SDF2: variants seen among roughly 807,000 people sequenced by gnomAD.
The protein encoded by SDF2 is stromal cell-derived factor 2.
In SDF2, 12 loss-of-function variants were observed where a neutral mutation model predicts 20.5. The ratio of observed to expected loss-of-function variants is 0.58; its 90% CI spans 0.37 to 0.95. The LOEUF is 0.95. Ranked by LOEUF, SDF2 falls within the 40% of genes least tolerant of loss-of-function variation. The probability of loss-of-function intolerance (pLI) is 0.01; values close to 1 mark genes in which losing one functional copy is unlikely to be tolerated. For missense variants in SDF2, 238 were observed against 263.1 expected, an observed-to-expected ratio of 0.90 and a Z score of 0.66; for synonymous variants, 100 against 101.0, an observed-to-expected ratio of 0.99 and a Z score of 0.06.
At chr17:28,655,025 G>C (rs967434766) in intron 2 of SDF2, among the ~76,000 whole-genome samples, 2 of 152,136 alleles carry the variant, frequency 1.3e-5, no homozygotes, top group African/African-American at 4.8e-5. Context: ...AGCTACTTGG[G>C]AGACTGAGGC....
chr17:28,655,272 C>T lies in SDF2; in HGVS notation c.348+15G>A, dbSNP rs979873048. 5 of 1,613,180 alleles carry T rather than the reference C, an allele frequency of 3.1e-6. No individual in the cohort carries two copies. Among genetic ancestry groups the T allele is most frequent in the Admixed American group, 1.7e-5 (1 of 60,022 alleles). ...GTAATGCAGAGCAGCAACAATCCAT[C>T]GAAAGCCACCTCACCTGGTTTCCAG... On this transcript the variant is annotated intron_variant, in intron 2 of 2. Coordinates refer to ENST00000247020, the MANE Select transcript of SDF2 (RefSeq NM_006923.4).
At position 28,661,732 on chromosome 17, in the gene SDF2, C is replaced by T. The variant is rs773524374; in HGVS notation, c.145G>A (p.Gly49Arg). Residue 49 changes from glycine to arginine, a missense_variant, in exon 1 of 3, where the codon GGG (glycine) becomes AGG (arginine). By Grantham distance (125) the Gly-to-Arg change is moderately radical (BLOSUM62 -2). Transcript: ENST00000247020. ...VRLHSHDVRYGSGSGQQSVTG... is the reference protein window; with the variant it reads ...VRLHSHDVRYRSGSGQQSVTG... ...GCCCGGTCCCCAGCATTACCTGACC[C>T]ATAGCGCACGTCGTGTGAGTGCAGT... 70 of 1,613,356 alleles carry T rather than the reference C, an allele frequency of 4.3e-5. No individual in the cohort carries two copies. Among genetic ancestry groups the T allele is most frequent in the Non-Finnish European group, 5.5e-5 (65 of 1,179,500 alleles).
rs778216885 is a variant in SDF2, at chr17:28,649,248, T to G, written c.377A>C (p.Glu126Ala). 25 of 1,614,034 alleles carry G rather than the reference T, an allele frequency of 1.5e-5. No individual in the cohort carries two copies. The highest frequency in any genetic ancestry group is 2.1e-5 in the Non-Finnish European group (25 of 1,179,990). Residue 126 changes from glutamate to alanine, a missense_variant, in exon 3 of 3, where the codon GAA (glutamate) becomes GCA (alanine). By Grantham distance (107) the Glu-to-Ala change is moderately radical. Transcript: ENST00000247020. ...QEVSAFGEEG[E>A]GDYLDDWTVL... ...TGTCCAGTCATCCAGATAATCACCTTCACCTTCCTCACCAAAAGCACTCAC... is the reference window on the plus strand; with the variant it reads ...TGTCCAGTCATCCAGATAATCACCTGCACCTTCCTCACCAAAAGCACTCAC...
chr17:28,650,167 G>T (rs1243291882), intron 2 of SDF2, among the ~76,000 whole-genome samples: 1 of 151,568 alleles, frequency 6.6e-6, no homozygotes, highest in Non-Finnish European at 1.5e-5. Flanking sequence ...GGTCAGGCTG[G>T]TTTCGAATTC....
intron 1 of SDF2, among the ~76,000 whole-genome samples, chr17:28,658,414 G>C (rs1455917471): frequency 6.6e-6 from 1 of 152,160 alleles, no homozygotes; most frequent in Non-Finnish European, 1.5e-5. Flanking sequence ...GCCTTCCGCA[G>C]TGTTTGTGTC....
chr17:28,657,449 G>T (rs756367450), intron 1 of SDF2, among the ~76,000 whole-genome samples: 7 of 151,652 alleles, frequency 4.6e-5, no homozygotes, highest in Non-Finnish European at 4.4e-5. Flanking sequence ...TCAGGCTGGA[G>T]TGCAGTGGCA....
In SDF2 at chr17:28,648,876, T is replaced by C; in HGVS notation, c.*113A>G. The C allele has an allele frequency of 9.4e-7, 1 of 1,061,926 alleles. No individual in the cohort carries two copies. The highest frequency in any genetic ancestry group is 2.4e-5 in the East Asian group (1 of 42,144). The allele number at this position is 1,061,926 out of a possible 1,614,324, so 65.8% of individuals were successfully genotyped here. On this transcript the variant is annotated 3_prime_UTR_variant, in exon 3 of 3. Coordinates refer to ENST00000247020, the MANE Select transcript of SDF2 (RefSeq NM_006923.4). ...CACTATTTTCTGTTGTATATCTTCA[T>C]CTCAATGGTGACATGGCCACTGCCC...
At chr17:28,659,784 A>G (rs2072005945) in intron 1 of SDF2, among the ~76,000 whole-genome samples, 1 of 144,570 alleles carries the variant, frequency 6.9e-6, no homozygotes, top group Admixed American at 6.9e-5. Flanking sequence ...GGCGCTCCTC[A>G]CATCCCAGAC....
intron 1 of SDF2, among the ~76,000 whole-genome samples, chr17:28,658,977 G>GGGGC (rs2071993834): frequency 7.2e-6 from 1 of 138,882 alleles, no homozygotes. Flanking sequence ...CATCCCAGAC[G>GGGGC]ATGGGAGGCC....
intron 1 of SDF2, among the ~76,000 whole-genome samples, chr17:28,659,169 GGGT>G (rs1296850355): frequency 5.8e-5 from 8 of 137,770 alleles, no homozygotes; most frequent in Admixed American, 7.2e-5. Flanking sequence ...TTCCCAGACA[GGGT>G]GGCGGCCGGG....
At position 28,649,115 on chromosome 17, in the gene SDF2, G is replaced by A. The variant is rs534210933; in HGVS notation, c.510C>T (p.Ile170=). The A allele has an allele frequency of 6.0e-5, 97 of 1,614,214 alleles. 1 individual carries two copies. In the South Asian group the frequency reaches 9.8e-4, roughly 16 times the overall value. The change falls in exon 3 of 3, where the codon ATC becomes ATT. Residue 170 remains isoleucine, a synonymous_variant. Coordinates refer to ENST00000247020, the MANE Select transcript of SDF2 (RefSeq NM_006923.4). ...SVTGEQYGRP[I]SGQKEVHGMA... ...TGCCATGCACCTCTTTTTGCCCACT[G>A]ATAGGTCGACCATATTGTTCTCCTG...
At chr17:28,649,784 C>T (rs2071898052) in intron 2 of SDF2, among the ~76,000 whole-genome samples, 1 of 147,994 alleles carries the variant, frequency 6.8e-6, no homozygotes, top group African/African-American at 2.5e-5. Context: ...CATGGTGGCA[C>T]ATGCCTATGG....
chr17:28,659,442 G>A (rs1453772873), intron 1 of SDF2, among the ~76,000 whole-genome samples: 1 of 142,510 alleles, frequency 7.0e-6, no homozygotes, highest in African/African-American at 2.6e-5. Flanking sequence ...AGACAGGGCG[G>A]CCAGGTGCTC....
At chr17:28,654,767 C>A (rs2071943142) in intron 2 of SDF2, among the ~76,000 whole-genome samples, 1 of 151,692 alleles carries the variant, frequency 6.6e-6, no homozygotes, top group African/African-American at 2.4e-5. Flanking sequence ...CTGGCCAACA[C>A]AGTGAAACCC....
chr17:28,655,538 A>C, intron 1 of SDF2, 55 bp from the exon 2 acceptor site: 22 of 1,475,788 alleles, frequency 1.5e-5, no homozygotes, highest in South Asian at 2.6e-5. Flanking sequence ...CAACATGCTC[A>C]GAGACAGAAG....
Position 28,660,958 on chromosome 17 carries a change from G to C in SDF2, c.151+768C>G, listed in dbSNP as rs150275479. The C allele has an allele frequency of 8.7e-4, 140 of 161,610 alleles. 1 individual carries two copies. In the East Asian group the frequency reaches 0.023, roughly 26 times the overall value. The allele number at this position is 161,610 out of a possible 1,614,324, so 10.0% of individuals were successfully genotyped here. A position where few individuals can be genotyped will look rare whatever the true frequency, so the allele number is the denominator to read the frequency against. On this transcript the variant is annotated intron_variant, in intron 1 of 2. Coordinates refer to ENST00000247020, the MANE Select transcript of SDF2 (RefSeq NM_006923.4). ...GTTTTTATTATATTGTAATTTTCTT[G>C]ACTGATTATCACCACCGAATCTCCT...
intron 1 of SDF2, among the ~76,000 whole-genome samples, chr17:28,658,396 T>A (rs12936322): frequency 6.6e-6 from 1 of 152,068 alleles, no homozygotes; most frequent in Non-Finnish European, 1.5e-5. Context: ...TAGGCAGAGG[T>A]CCCTGCGGCC....
chr17:28,650,840 G>T (rs2071909102), intron 2 of SDF2, among the ~76,000 whole-genome samples: 1 of 150,572 alleles, frequency 6.6e-6, no homozygotes. Context: ...AACAGTTAGG[G>T]TATCTTGCTC....
intron 1 of SDF2, chr17:28,661,314 C>T (rs2072037275): frequency 2.8e-6 from 1 of 357,350 alleles, no homozygotes; most frequent in South Asian, 2.1e-5. Flanking sequence ...TCAGACACAG[C>T]ACTTACTGTA....
Sources: gnomAD v4.1 joint callset for allele counts (sites outside exome capture counted in the v4.1 genomes callset) on GRCh38, gnomAD v4.1.1 for gene constraint, MANE v1.5 for transcripts, NCBI Gene and HGNC (gene_info 2026-07-23, HGNC 2026-07-21) for gene names.